EBF1: variants seen among roughly 807,000 people sequenced by gnomAD.
The protein encoded by EBF1 is transcription factor COE1.
In EBF1, 10 loss-of-function variants were observed where a neutral mutation model predicts 68.4. The ratio of observed to expected loss-of-function variants is 0.15; its 90% CI spans 0.09 to 0.25. EBF1 has a LOEUF of 0.25. EBF1 is among the 10% of genes least tolerant of loss of function. The pLI is 1.00. For synonymous variants in EBF1, 298 were observed against 299.8 expected (o/e 0.99, Z 0.06); for missense variants, 509 against 794.4 (o/e 0.64, Z 4.32).
Position 159,067,636 on chromosome 5 carries a change from G to A in EBF1, c.554+5760C>T, listed in dbSNP as rs970620534. ...ATTGTATTAGTTATTTTCTTATCAC[G>A]GTAGCAAACTGCACACAAATGTACG... On this transcript the variant is annotated intron_variant, in intron 6 of 15. Coordinates refer to ENST00000313708, the MANE Select transcript of EBF1 (RefSeq NM_024007.5). 8.5e-5 allele frequency among the ~76,000 whole-genome samples: 13 copies of A among 152,166 alleles called. No homozygotes were observed. In the South Asian group the frequency reaches 1.2e-3, roughly 15 times the overall value.
At chr5:158,987,392 A>G (rs1759312943) in intron 6 of EBF1, among the ~76,000 whole-genome samples, 1 of 152,220 alleles carries the variant, frequency 6.6e-6, no homozygotes, top group Admixed American at 6.5e-5. Context: ...TAAGCCCTCT[A>G]GCCTTCAGCC....
intron 15 of EBF1, 72 bp from the exon 16 acceptor site, chr5:158,699,214 TAAAAA>T (rs377502370): frequency 5.2e-6 from 6 of 1,152,512 alleles, no homozygotes; most frequent in Admixed American, 5.4e-5. Flanking sequence ...TAATGAAGAC[TAAAAA>T]AAAAAAAACA....
intron 8 of EBF1, among the ~76,000 whole-genome samples, chr5:158,807,228 C>T (rs555801947): frequency 6.6e-6 from 1 of 152,108 alleles, no homozygotes; most frequent in Non-Finnish European, 1.5e-5. Context: ...CGATTAATCT[C>T]CAATCCCTCC....
chr5:159,036,176 C>T (rs773947082), intron 6 of EBF1, among the ~76,000 whole-genome samples: 7 of 152,128 alleles, frequency 4.6e-5, no homozygotes, highest in South Asian at 2.1e-4. Context: ...GCTCAATTGT[C>T]GCATCAGGGA....
intron 10 of EBF1, among the ~76,000 whole-genome samples, chr5:158,748,789 C>T (rs1330157318): frequency 3.3e-5 from 5 of 152,154 alleles, no homozygotes; most frequent in Admixed American, 3.3e-4. Context: ...ACAAATAATG[C>T]CATTCTGCCC....
At chr5:158,985,309 C>T (rs1006014399) in intron 6 of EBF1, among the ~76,000 whole-genome samples, 3 of 152,188 alleles carry the variant, frequency 2.0e-5, no homozygotes, top group African/African-American at 7.2e-5. Flanking sequence ...TGAACATCAC[C>T]TATCTTGACC....
chr5:159,088,408 A>C (rs529375912), intron 4 of EBF1, among the ~76,000 whole-genome samples: 2 of 152,274 alleles, frequency 1.3e-5, no homozygotes, highest in African/African-American at 4.8e-5. Context: ...ACACTGGTCC[A>C]CAGTTCAGCA....
intron 6 of EBF1, among the ~76,000 whole-genome samples, chr5:158,896,996 G>A (rs781442016): frequency 2.6e-5 from 4 of 151,608 alleles, no homozygotes; most frequent in African/African-American, 4.8e-5. Flanking sequence ...AAGACACACC[G>A]AACACAGAGG....
At chr5:159,002,369 A>C (rs1762711289) in intron 6 of EBF1, among the ~76,000 whole-genome samples, 1 of 152,228 alleles carries the variant, frequency 6.6e-6, no homozygotes, top group Admixed American at 6.5e-5. Context: ...ATAAACAGCC[A>C]TGCCCTCACT....
Position 158,995,988 on chromosome 5 carries a change from C to T in EBF1, c.554+77408G>A, listed in dbSNP as rs1761336985. 2.0e-5 allele frequency among the ~76,000 whole-genome samples: 3 copies of T among 152,160 alleles called. No individual in the cohort carries two copies. The South Asian group carries it at 6.2e-4, about 32-fold the overall frequency. ...AAGTGCTGCATGAAGAGGACTTAGA[C>T]TCCCTGAGGATCTCGGCCCTGTTTC... On this transcript the variant is annotated intron_variant, in intron 6 of 15. Transcript: ENST00000313708.
At chr5:158,877,764 A>T (rs181445302) in intron 6 of EBF1, among the ~76,000 whole-genome samples, 1 of 152,184 alleles carries the variant, frequency 6.6e-6, no homozygotes, top group East Asian at 1.9e-4. Context: ...ACCTAATGTT[A>T]TGCTGACAGT....
chr5:158,949,393 G>A (rs1815509449), intron 6 of EBF1, among the ~76,000 whole-genome samples: 1 of 152,188 alleles, frequency 6.6e-6, no homozygotes, highest in African/African-American at 2.4e-5. Context: ...ACTTTGGGAG[G>A]TAAAGATGGG....
chr5:159,021,336 A>G (rs1766642016), intron 6 of EBF1, among the ~76,000 whole-genome samples: 2 of 152,238 alleles, frequency 1.3e-5, no homozygotes, highest in Non-Finnish European at 2.9e-5. Context: ...ATAGGAGACT[A>G]ATGTATGCTG....
chr5:158,932,224 G>T (rs1018376204), intron 6 of EBF1, among the ~76,000 whole-genome samples: 1 of 152,080 alleles, frequency 6.6e-6, no homozygotes, highest in African/African-American at 2.4e-5. Context: ...TTATAAAAAT[G>T]AAAAAATTAA....
intron 6 of EBF1, among the ~76,000 whole-genome samples, chr5:158,893,127 CAT>C (rs1470720274): frequency 6.6e-6 from 1 of 152,206 alleles, no homozygotes; most frequent in Non-Finnish European, 1.5e-5. Flanking sequence ...TGAAAATCCA[CAT>C]GTCAAAATGT....
intron 6 of EBF1, among the ~76,000 whole-genome samples, chr5:158,893,203 T>C (rs1171231013): frequency 1.3e-5 from 2 of 152,244 alleles, no homozygotes; most frequent in African/African-American, 4.8e-5. Context: ...AACCATCAGT[T>C]CCAAATTTAT....
chr5:158,877,871 T>C (rs937736792), intron 6 of EBF1, among the ~76,000 whole-genome samples: 1 of 151,954 alleles, frequency 6.6e-6, no homozygotes. Flanking sequence ...TCATTTCCGG[T>C]CGCCATATAT....
intron 6 of EBF1, among the ~76,000 whole-genome samples, chr5:158,957,432 G>C (rs181707392): frequency 3.3e-5 from 5 of 152,344 alleles, no homozygotes; most frequent in Admixed American, 6.5e-5. Context: ...ATTAGGTCTG[G>C]CATAATATCT....
intron 4 of EBF1, among the ~76,000 whole-genome samples, chr5:159,089,454 C>T (rs1459504311): frequency 6.6e-6 from 1 of 152,044 alleles, no homozygotes; most frequent in Non-Finnish European, 1.5e-5. Flanking sequence ...ACTGCTAGGT[C>T]TTAAAAGTTA....
Sources: gnomAD v4.1 joint callset for allele counts (sites outside exome capture counted in the v4.1 genomes callset) on GRCh38, gnomAD v4.1.1 for gene constraint, MANE v1.5 for transcripts, NCBI Gene and HGNC (gene_info 2026-07-23, HGNC 2026-07-21) for gene names.